Variants in ZFPM2 observed in about 807,000 individuals in gnomAD.
ZFPM2 encodes zinc finger protein, FOG family member 2, also known as zinc finger protein ZFPM2.
A neutral mutation model predicts 98.6 loss-of-function variants in ZFPM2; 20 were observed. The ratio of observed to expected loss-of-function variants is 0.20; its 90% CI spans 0.14 to 0.29. The LOEUF (loss-of-function observed/expected upper bound fraction) is 0.29. ZFPM2 is among the 10% of genes least tolerant of loss of function. The probability of loss-of-function intolerance (pLI) is 1.00; values close to 1 mark genes in which losing one functional copy is unlikely to be tolerated. For missense variants in ZFPM2, 1,310 were observed against 1,388.6 expected (o/e 0.94, Z 0.90); for synonymous variants, 518 against 502.7 (o/e 1.03, Z -0.41).
intron 1 of ZFPM2, among the ~76,000 whole-genome samples, chr8:105,403,992 A>AC (rs1554601610): frequency 6.8e-6 from 1 of 147,622 alleles, no homozygotes; most frequent in Non-Finnish European, 1.5e-5. Flanking sequence ...ATTGGTGTTA[A>AC]AACAACAACA....
intron 2 of ZFPM2, among the ~76,000 whole-genome samples, chr8:105,428,401 G>A: frequency 6.6e-6 from 1 of 152,152 alleles, no homozygotes; most frequent in South Asian, 2.1e-4. Context: ...AGGAGTTGAG[G>A]TTTTGATATA....
intron 3 of ZFPM2, among the ~76,000 whole-genome samples, chr8:105,553,043 T>C (rs1262699596): frequency 6.6e-6 from 1 of 152,012 alleles, no homozygotes; most frequent in African/African-American, 2.4e-5. Context: ...ACTCCTGAGC[T>C]CAAGCAATCC....
chr8:105,374,601 T>C (rs960793702), intron 1 of ZFPM2, among the ~76,000 whole-genome samples: 1 of 152,012 alleles, frequency 6.6e-6, no homozygotes, highest in Non-Finnish European at 1.5e-5. Flanking sequence ...GCCCAGGCTG[T>C]TCTTGAACTC....
At chr8:105,677,713 A>T (rs1223231619) in intron 5 of ZFPM2, among the ~76,000 whole-genome samples, 2 of 152,096 alleles carry the variant, frequency 1.3e-5, no homozygotes, top group East Asian at 3.9e-4. Flanking sequence ...AGAAAAAAAA[A>T]ATAAAGTCTA....
intron 3 of ZFPM2, among the ~76,000 whole-genome samples, chr8:105,500,439 G>C (rs140998817): frequency 6.6e-6 from 1 of 152,004 alleles, no homozygotes; most frequent in Non-Finnish European, 1.5e-5. Flanking sequence ...AACTAAATGA[G>C]GTGTCATTTC....
intron 5 of ZFPM2, among the ~76,000 whole-genome samples, chr8:105,656,726 T>G (rs375008543): frequency 6.6e-6 from 1 of 152,242 alleles, no homozygotes; most frequent in South Asian, 2.1e-4. Context: ...TTATCATGTT[T>G]GCTTCTGTTG....
intron 1 of ZFPM2, among the ~76,000 whole-genome samples, chr8:105,332,910 C>T (rs1812259799): frequency 6.6e-6 from 1 of 151,650 alleles, no homozygotes; most frequent in Admixed American, 6.6e-5. Context: ...GAGCATGCAT[C>T]TTGAGAGCTG....
chr8:105,602,101 G>A lies in ZFPM2; in HGVS notation c.421-32145G>A, dbSNP rs113403744. Among the ~76,000 whole-genome samples, 538 of 152,156 alleles carry A rather than the reference G, an allele frequency of 3.5e-3. 1 individual carries two copies. The highest frequency in any genetic ancestry group is 5.8e-3 in the Non-Finnish European group (392 of 67,982). ...ATACTTGCATCTACCAGTGAGTTAT[G>A]CCCTTGACTTTCTTGATTCTGTCAT... On this transcript the variant is annotated intron_variant, in intron 4 of 7. Coordinates refer to ENST00000407775, the MANE Select transcript of ZFPM2 (RefSeq NM_012082.4).
intron 1 of ZFPM2, among the ~76,000 whole-genome samples, chr8:105,393,649 C>G (rs2129947852): frequency 6.6e-6 from 1 of 152,066 alleles, no homozygotes; most frequent in South Asian, 2.1e-4. Context: ...CTGGCATAGT[C>G]TTGGGTGGGA....
At chr8:105,475,516 G>A (rs374512101) in intron 3 of ZFPM2, among the ~76,000 whole-genome samples, 8 of 152,214 alleles carry the variant, frequency 5.3e-5, no homozygotes, top group African/African-American at 1.9e-4. Flanking sequence ...CTGAGGAAAT[G>A]TTAAGTGTCC....
chr8:105,427,613 C>T (rs532812579), intron 2 of ZFPM2, among the ~76,000 whole-genome samples: 1 of 152,154 alleles, frequency 6.6e-6, no homozygotes, highest in African/African-American at 2.4e-5. Flanking sequence ...CACCCATTAC[C>T]TGATGGGATA....
intron 3 of ZFPM2, among the ~76,000 whole-genome samples, chr8:105,471,526 T>C (rs1350567675): frequency 6.6e-6 from 1 of 152,180 alleles, no homozygotes; most frequent in Non-Finnish European, 1.5e-5. Context: ...AGCTAATTTA[T>C]TGGCAGGATT....
chr8:105,649,914 T>A (rs1817132848), intron 5 of ZFPM2, among the ~76,000 whole-genome samples: 1 of 152,240 alleles, frequency 6.6e-6, no homozygotes, highest in African/African-American at 2.4e-5. Flanking sequence ...TTAGGGAGGA[T>A]TCCCTCTTTT....
At chr8:105,377,299 G>T (rs559386240) in intron 1 of ZFPM2, among the ~76,000 whole-genome samples, 2 of 151,960 alleles carry the variant, frequency 1.3e-5, no homozygotes, top group African/African-American at 2.4e-5. Context: ...TGCTTAGTTT[G>T]TTTATGCAGT....
At chr8:105,628,452 C>A (rs1816698279) in intron 4 of ZFPM2, among the ~76,000 whole-genome samples, 1 of 152,152 alleles carries the variant, frequency 6.6e-6, no homozygotes, top group African/African-American at 2.4e-5. Context: ...AAAAACCCCA[C>A]CCTCAAGCCA....
intron 3 of ZFPM2, among the ~76,000 whole-genome samples, chr8:105,533,942 T>C (rs1347724295): frequency 8.0e-5 from 1 of 12,458 alleles, no homozygotes; most frequent in Non-Finnish European, 1.3e-4. Flanking sequence ...CTCCCTCCCT[T>C]CCTTCTTTCC....
intron 5 of ZFPM2, among the ~76,000 whole-genome samples, chr8:105,744,756 G>T (rs985983981): frequency 2.0e-5 from 3 of 152,094 alleles, no homozygotes; most frequent in African/African-American, 7.2e-5. Flanking sequence ...TGTGCAAAAG[G>T]CCTGTGGCAA....
intron 4 of ZFPM2, among the ~76,000 whole-genome samples, chr8:105,562,207 G>A (rs1815153724): frequency 6.6e-5 from 10 of 152,028 alleles, no homozygotes; most frequent in Admixed American, 6.6e-4. Context: ...CTACTCGGGA[G>A]GCTGAGGCAG....
chr8:105,347,631 A>T (rs78059918), intron 1 of ZFPM2, among the ~76,000 whole-genome samples: 46 of 152,290 alleles, frequency 3.0e-4, no homozygotes, highest in African/African-American at 1.1e-3. Context: ...CCAAGGTGGC[A>T]TGTGACATAC....
Sources: allele counts gnomAD v4.1 joint callset (sites outside exome capture counted in the v4.1 genomes callset), GRCh38; gene constraint gnomAD v4.1.1; transcripts MANE v1.5; gene names NCBI Gene and HGNC (gene_info 2026-07-23, HGNC 2026-07-21).